C1orf87: variants seen among roughly 807,000 people sequenced by gnomAD.
C1orf87 encodes uncharacterized protein C1orf87.
A neutral mutation model predicts 60.5 loss-of-function variants in C1orf87; 58 were observed. The ratio of observed to expected loss-of-function variants is 0.96; its 90% CI spans 0.78 to 1.19. The LOEUF is 1.19. C1orf87 is among the 50% of genes most tolerant of loss of function. The probability of loss-of-function intolerance (pLI) is 0.00; values close to 1 mark genes in which losing one functional copy is unlikely to be tolerated. For missense variants in C1orf87, 673 were observed against 638.6 expected, an observed-to-expected ratio of 1.05 and a Z score of -0.58; for synonymous variants, 236 against 227.4, an observed-to-expected ratio of 1.04 and a Z score of -0.34.
rs1481954915 is a variant in C1orf87 at position 59,990,580 on chromosome 1, G to A, written c.*93C>T. ...CTGCATCGGCCTCCACTCTGACAAT[G>A]CCTCCGCCACTACACTTAGGCTGGG... On this transcript the variant is annotated 3_prime_UTR_variant, in exon 12 of 12. Coordinates refer to ENST00000371201, the MANE Select transcript of C1orf87 (RefSeq NM_152377.3). 6.9e-7 allele frequency: 1 copy of A among 1,453,080 alleles called. No homozygotes were observed. Among genetic ancestry groups the A allele is most frequent in the Non-Finnish European group, 9.4e-7 (1 of 1,065,064 alleles). The allele number at this position is 1,453,080 out of a possible 1,614,324, so 90.0% of individuals were successfully genotyped here. A position where few individuals can be genotyped will look rare whatever the true frequency, so the allele number is the denominator to read the frequency against.
chr1:60,021,127 AG>A (rs1409320008), intron 8 of C1orf87, among the ~76,000 whole-genome samples: 1 of 152,076 alleles, frequency 6.6e-6, no homozygotes, highest in Non-Finnish European at 1.5e-5. Flanking sequence ...AAGTTTCCTG[AG>A]GCCTCCCAGC....
chr1:60,035,394 C>A (rs1645268639), intron 6 of C1orf87, among the ~76,000 whole-genome samples: 2 of 152,176 alleles, frequency 1.3e-5, no homozygotes, highest in Admixed American at 1.3e-4. Context: ...AGGCCTGTTG[C>A]AGAATTTTAG....
At chr1:60,038,157 G>A in intron 5 of C1orf87, 50 bp from the exon 6 acceptor site, 1 of 1,176,648 alleles carries the variant, frequency 8.5e-7, no homozygotes. Context: ...TATATGTAAG[G>A]AAAGAGGCCT....
intron 8 of C1orf87, among the ~76,000 whole-genome samples, chr1:60,020,635 T>C (rs1306551690): frequency 6.6e-6 from 1 of 152,198 alleles, no homozygotes; most frequent in African/African-American, 2.4e-5. Flanking sequence ...AATGGGAGCA[T>C]TTACCCAATG....
chr1:60,010,065 T>G (rs1645072541), intron 9 of C1orf87, among the ~76,000 whole-genome samples: 1 of 151,848 alleles, frequency 6.6e-6, no homozygotes. Context: ...AGCTATGAGC[T>G]TCTTTGATCT....
chr1:60,001,257 TGGAG>T (rs1645002435), intron 9 of C1orf87, 101 bp from the exon 10 acceptor site: 1 of 870,862 alleles, frequency 1.1e-6, no homozygotes, highest in Non-Finnish European at 1.6e-6. Context: ...AACAAAAAAA[TGGAG>T]GCTTTGCTCT....
intron 2 of C1orf87, among the ~76,000 whole-genome samples, chr1:60,069,432 T>C (rs1207242052): frequency 6.6e-6 from 1 of 152,084 alleles, no homozygotes; most frequent in Admixed American, 6.5e-5. Context: ...TGTGTGAAGA[T>C]TAGAGACAGG....
intron 2 of C1orf87, among the ~76,000 whole-genome samples, chr1:60,063,849 A>ATGAGTGTGATGGCCAGTAC (rs1645513627): frequency 6.6e-6 from 1 of 152,018 alleles, no homozygotes; most frequent in Non-Finnish European, 1.5e-5. Flanking sequence ...TCTGATTTTT[A>ATGAGTGTGATGGCCAGTAC]TGAGTGTGAT....
intron 9 of C1orf87, among the ~76,000 whole-genome samples, chr1:60,009,454 T>C (rs1557459374): frequency 1.3e-5 from 2 of 152,074 alleles, no homozygotes; most frequent in Non-Finnish European, 2.9e-5. Flanking sequence ...AAGATTGTGG[T>C]ATTTTGTATG....
chr1:60,045,773 A>G (rs560305670), intron 3 of C1orf87, among the ~76,000 whole-genome samples: 1 of 152,290 alleles, frequency 6.6e-6, no homozygotes, highest in South Asian at 2.1e-4. Context: ...CACTAAATAG[A>G]AATTTGTGGG....
chr1:60,038,619 C>G (rs1024753742), intron 5 of C1orf87, among the ~76,000 whole-genome samples: 3 of 152,156 alleles, frequency 2.0e-5, no homozygotes, highest in Non-Finnish European at 4.4e-5. Context: ...GCCTCTCTCT[C>G]TCTCCCCACC....
chr1:59,994,921 C>A (rs899393625), intron 11 of C1orf87, among the ~76,000 whole-genome samples: 3 of 152,116 alleles, frequency 2.0e-5, no homozygotes, highest in Admixed American at 2.0e-4. Flanking sequence ...AATAAACCAC[C>A]AAAGTGACCT....
intron 2 of C1orf87, among the ~76,000 whole-genome samples, chr1:60,064,375 A>T (rs1433729066): frequency 7.8e-6 from 1 of 127,652 alleles, no homozygotes; most frequent in African/African-American, 2.8e-5. Context: ...ATATATACAC[A>T]CACAATATCA....
intron 8 of C1orf87, 76 bp from the exon 9 acceptor site, chr1:60,010,532 T>C (rs936653092): frequency 1.6e-6 from 2 of 1,271,536 alleles, no homozygotes; most frequent in African/African-American, 3.0e-5. Flanking sequence ...GCTCTGTTTA[T>C]ATTGGTAGTG....
At chr1:60,064,770 AT>A (rs1196751796) in intron 2 of C1orf87, among the ~76,000 whole-genome samples, 1 of 96,280 alleles carries the variant, frequency 1.0e-5, no homozygotes, top group Non-Finnish European at 1.8e-5. Context: ...ATATAATTAT[AT>A]TTAATATATA....
chr1:60,032,730 G>A (rs970335045), intron 7 of C1orf87, among the ~76,000 whole-genome samples: 4 of 151,988 alleles, frequency 2.6e-5, no homozygotes, highest in Admixed American at 6.6e-5. Context: ...GAGCCACCAC[G>A]CCTGGCGAGA....
chr1:60,063,007 C>G (rs1645507548), intron 2 of C1orf87, among the ~76,000 whole-genome samples: 1 of 151,958 alleles, frequency 6.6e-6, no homozygotes, highest in African/African-American at 2.4e-5. Context: ...CAAACAAAAA[C>G]AAACAAAAAT....
chr1:60,046,485 G>A (rs116991108), intron 3 of C1orf87, among the ~76,000 whole-genome samples: 2,726 of 122,868 alleles, frequency 0.022, 91 homozygotes, highest in East Asian at 0.1. Context: ...CCAGGCTAGC[G>A]TGCAGAGTAG....
rs116870338 is a variant in C1orf87, at chr1:60,043,724, C to T, written c.343-2593G>A. On this transcript the variant is annotated intron_variant, in intron 3 of 11. Transcript: ENST00000371201. ...TATTTCAGACATATTGTTCACAGGA[C>T]AATATGTTTCTTTGCAAATTATTTG... is the stretch of plus-strand genomic sequence containing the variant. Among the ~76,000 whole-genome samples the T allele has an allele frequency of 1.3e-3, 191 of 152,236 alleles. 5 individuals carry two copies. The East Asian group carries it at 0.027, about 21-fold the overall frequency.
Sources: allele counts gnomAD v4.1 joint callset (sites outside exome capture counted in the v4.1 genomes callset), GRCh38; gene constraint gnomAD v4.1.1; transcripts MANE v1.5; gene names NCBI Gene and HGNC (gene_info 2026-07-23, HGNC 2026-07-21).